Variants in SERPINA5 observed in about 807,000 individuals in gnomAD.
The protein encoded by SERPINA5 is serpin family A member 5.
SERPINA5 carries 25 observed loss-of-function variants against 25.3 expected under a neutral mutation model. The ratio of observed to expected loss-of-function variants is 0.99; its 90% CI spans 0.72 to 1.38. SERPINA5 has a LOEUF of 1.38. Ranked by LOEUF, SERPINA5 falls within the 40% of genes most tolerant of loss-of-function variation. The pLI, the probability that SERPINA5 is intolerant of heterozygous loss-of-function variation, is 0.00. For missense variants in SERPINA5, 599 were observed against 509.5 expected, an observed-to-expected ratio of 1.18 and a Z score of -1.69; for synonymous variants, 234 against 206.2, an observed-to-expected ratio of 1.14 and a Z score of -1.16.
chr14:94,590,939 T>C, intron 5 of SERPINA5, 43 bp downstream of exon 5: 1 of 1,556,202 alleles, frequency 6.4e-7, no homozygotes, highest in South Asian at 1.2e-5. Flanking sequence ...CAAGGTCTAT[T>C]CTGTTCTATT....
In SERPINA5 at chr14:94,587,672, G is replaced by C. The variant is rs760619103; in HGVS notation, c.310G>C (p.Glu104Gln). Reference sequence around the variant, plus strand: ...GGGCCTCAACCTCCAGAAAAGCTCAGAGAAGGAGCTGCACAGAGGCTTTCA... The same window carrying C: ...GGGCCTCAACCTCCAGAAAAGCTCACAGAAGGAGCTGCACAGAGGCTTTCA... ...GLGLNLQKSS[E>Q]KELHRGFQQL... is the part of the protein sequence containing the mutation. The change falls in exon 3 of 6, where the codon GAG (glutamate) becomes CAG (glutamine). Residue 104 changes from glutamate to glutamine, a missense_variant. Coordinates refer to ENST00000329597, the MANE Select transcript of SERPINA5 (RefSeq NM_000624.6). The C allele has an allele frequency of 6.2e-7, 1 of 1,614,088 alleles. No homozygotes were observed. The highest frequency in any genetic ancestry group is 1.6e-4 in the Middle Eastern group (1 of 6,062).
At chr14:94,586,222 A>C (rs2069962) in intron 2 of SERPINA5, among the ~76,000 whole-genome samples, 100,934 of 152,078 alleles carry the variant, frequency 0.66, 33,861 homozygotes, top group South Asian at 0.72. Flanking sequence ...CCCTGAGAAG[A>C]GCTAGAGACA....
In SERPINA5 at chr14:94,590,121, C is replaced by T; in HGVS notation, c.700C>T (p.Pro234Ser). The T allele has an allele frequency of 6.2e-7, 1 of 1,614,088 alleles. No individual in the cohort carries two copies. Among genetic ancestry groups the T allele is most frequent in the South Asian group, 1.1e-5 (1 of 91,066 alleles). Residue 234 changes from proline (P) to serine (S), a missense_variant, in exon 4 of 6, where the codon CCC (proline) becomes TCC (serine). Coordinates refer to ENST00000329597, the MANE Select transcript of SERPINA5 (RefSeq NM_000624.6). ...GACCTCGGAGACTGTGGTGCGGGTA[C>T]CCATGATGAGCCGCGAGGATCAGTA... ...YVTSETVVRVPMMSREDQYHY... is the reference protein window; with the variant it reads ...YVTSETVVRVSMMSREDQYHY...
intron 2 of SERPINA5, among the ~76,000 whole-genome samples, chr14:94,584,920 C>T (rs1885026375): frequency 6.6e-6 from 1 of 152,188 alleles, no homozygotes; most frequent in Admixed American, 6.5e-5. Context: ...CACCTATGTC[C>T]TTCAAAGCTC....
intron 1 of SERPINA5, 38 bp from the exon 2 acceptor site, chr14:94,581,577 G>A (rs1457605164): frequency 6.6e-6 from 1 of 152,362 alleles, no homozygotes; most frequent in East Asian, 1.9e-4. Flanking sequence ...TTTGGGGTTT[G>A]GGGTCTGCAA....
chr14:94,592,418 C>G lies in SERPINA5; in HGVS notation c.*179C>G. 1 of 605,916 alleles carries G rather than the reference C, an allele frequency of 1.7e-6. No individual in the cohort carries two copies. Among genetic ancestry groups the G allele is most frequent in the Non-Finnish European group, 2.8e-6 (1 of 356,176 alleles). The allele number at this position is 605,916 out of a possible 1,614,324, so 37.5% of individuals were successfully genotyped here. ...CCCACACGACTGCAACATACAGGTGCCTTGGGGAAATGTGGAGAACATTCA... is the reference window on the plus strand; with the variant it reads ...CCCACACGACTGCAACATACAGGTGGCTTGGGGAAATGTGGAGAACATTCA... On this transcript the variant is annotated 3_prime_UTR_variant, in exon 6 of 6. Transcript: ENST00000329597.
At chr14:94,589,195 C>A (rs1885193977) in intron 3 of SERPINA5, among the ~76,000 whole-genome samples, 3 of 152,136 alleles carry the variant, frequency 2.0e-5, no homozygotes, top group Middle Eastern at 3.2e-3. Context: ...GCCTATAATC[C>A]CAACATTTTA....
At position 94,581,666 on chromosome 14, in the gene SERPINA5, C is replaced by T. The variant is rs921017418; in HGVS notation, c.-62C>T. ...GAGTGGGTCCCCCGAGCTCTGTGACCTTATGCTCCACACTAACTCTGGCAG... is the reference window on the plus strand; with the variant it reads ...GAGTGGGTCCCCCGAGCTCTGTGACTTTATGCTCCACACTAACTCTGGCAG... On this transcript the variant is annotated 5_prime_UTR_variant, in exon 2 of 6. Transcript: ENST00000329597. The T allele has an allele frequency of 6.6e-6, 1 of 152,316 alleles. No individual in the cohort carries two copies. The highest frequency in any genetic ancestry group is 1.5e-5 in the Non-Finnish European group (1 of 68,056). The allele number at this position is 152,316 out of a possible 1,614,324, so 9.4% of individuals were successfully genotyped here.
rs138001666 is a variant in SERPINA5, at chr14:94,590,279, G to A, written c.858G>A (p.Thr286=). 45 of 1,609,906 alleles carry A rather than the reference G, an allele frequency of 2.8e-5. No individual in the cohort carries two copies. The highest frequency in any genetic ancestry group is 4.0e-5 in the African/African-American group (3 of 74,856). The change falls in exon 4 of 6, where the codon ACG becomes ACA. Residue 286 remains threonine, a synonymous_variant. Coordinates refer to ENST00000329597, the MANE Select transcript of SERPINA5 (RefSeq NM_000624.6). ...TGGAGAATGGACTGAGTGAGAAAAC[G>A]CTGAGGAAGTGGCTTAAGATGTTCA... ...QQVENGLSEK[T]LRKWLKMFKK...
intron 4 of SERPINA5, 171 bp downstream of exon 4, chr14:94,590,482 GA>G: frequency 1.1e-6 from 1 of 931,288 alleles, no homozygotes; most frequent in Non-Finnish European, 1.5e-6. Flanking sequence ...AGCCCAGTTG[GA>G]GGGACAAGAG....
intron 4 of SERPINA5, 62 bp downstream of exon 4, chr14:94,590,373 C>A (rs778320293): frequency 1.3e-6 from 2 of 1,517,914 alleles, no homozygotes; most frequent in Non-Finnish European, 8.8e-7. Context: ...ACACACACGC[C>A]CTACCAGGGC....
chr14:94,585,739 C>T (rs560287155), intron 2 of SERPINA5, among the ~76,000 whole-genome samples: 5 of 149,094 alleles, frequency 3.4e-5, no homozygotes, highest in Admixed American at 2.0e-4. Flanking sequence ...GGTAATTAGC[C>T]AGCCTGGGTG....
At chr14:94,591,615 TCCCTCTCCCTC>T (rs1555384928) in intron 5 of SERPINA5, among the ~76,000 whole-genome samples, 2 of 140,486 alleles carry the variant, frequency 1.4e-5, no homozygotes, top group Non-Finnish European at 1.5e-5. Context: ...TTCTATTCTC[TCCCTCTCCCTC>T]TCTTTTCCCA....
Position 94,592,028 on chromosome 14 carries a change from C to T in SERPINA5, c.1039-29C>T, listed in dbSNP as rs748435392. ...TGATGACTTCACCTGCCCCTAGTGG[C>T]CTGGTGATGCCTGGTGTCTCCCCTG... is the stretch of plus-strand genomic sequence containing the variant. On this transcript the variant is annotated intron_variant, in intron 5 of 5. Transcript: ENST00000329597. The T allele has an allele frequency of 3.8e-6, 6 of 1,596,282 alleles. No homozygotes were observed. In the African/African-American group the frequency reaches 6.7e-5, roughly 18 times the overall value.
rs559074274 is a variant in SERPINA5 at position 94,592,092 on chromosome 14, G to A, written c.1074G>A (p.Ser358=). ...VHKAVVEVDE[S]GTRAAAATGT... ...AAGCTGTGGTGGAGGTGGACGAGTCGGGAACCAGAGCAGCGGCAGCCACGG... is the reference window on the plus strand; with the variant it reads ...AAGCTGTGGTGGAGGTGGACGAGTCAGGAACCAGAGCAGCGGCAGCCACGG... The change falls in exon 6 of 6, where the codon TCG becomes TCA. Residue 358 remains serine, a synonymous_variant. Transcript: ENST00000329597. 1.5e-4 allele frequency: 249 copies of A among 1,613,910 alleles called. 1 individual carries two copies. Among genetic ancestry groups the A allele is most frequent in the Non-Finnish European group, 1.9e-4 (224 of 1,179,864 alleles).
chr14:94,587,555 ATCT>A lies in SERPINA5; in HGVS notation c.200_202del (p.Phe67del), dbSNP rs1885134301. 13 of 1,613,922 alleles carry A rather than the reference ATCT, an allele frequency of 8.1e-6. No homozygotes were observed. The highest frequency in any genetic ancestry group is 1.3e-5 in the African/African-American group (1 of 74,898). ...GGCTTCCGCTGCCCCCAGCCAGAGC[ATCT>A]TCTTCTCCCCTGTGAGCATCTCCAT... On this transcript the variant is annotated inframe_deletion, in exon 3 of 6. Transcript: ENST00000329597.
Position 94,587,537 on chromosome 14 carries a change from G to A in SERPINA5, c.175G>A (p.Ala59Thr), listed in dbSNP as rs139961453. 1.7e-4 allele frequency: 279 copies of A among 1,613,564 alleles called. No homozygotes were observed. In the Middle Eastern group the frequency reaches 5.1e-3, roughly 29 times the overall value. Residue 59 changes from alanine to threonine, a missense_variant, in exon 3 of 6, where the codon GCT (alanine) becomes ACT (threonine). Transcript: ENST00000329597. ...TGACCTCTACAGGGCCTTGGCTTCC[G>A]CTGCCCCCAGCCAGAGCATCTTCTT... ...TFDLYRALAS[A>T]APSQSIFFSP...
intron 2 of SERPINA5, among the ~76,000 whole-genome samples, chr14:94,585,797 G>T (rs1885059954): frequency 1.5e-5 from 2 of 131,216 alleles, no homozygotes; most frequent in Non-Finnish European, 3.4e-5. Context: ...GTGTGTGTGT[G>T]TGTGTGTAAA....
intron 5 of SERPINA5, among the ~76,000 whole-genome samples, chr14:94,591,104 C>A (rs535961172): frequency 4.7e-5 from 7 of 148,750 alleles, no homozygotes; most frequent in African/African-American, 1.7e-4. Flanking sequence ...TCACTCTATT[C>A]AGTTCCACTC....
Sources: gnomAD v4.1 joint callset for allele counts (sites outside exome capture counted in the v4.1 genomes callset) on GRCh38, gnomAD v4.1.1 for gene constraint, MANE v1.5 for transcripts, NCBI Gene and HGNC (gene_info 2026-07-23, HGNC 2026-07-21) for gene names.